Variants in CACNA2D1 observed in about 807,000 individuals in gnomAD.
The protein encoded by CACNA2D1 is voltage-dependent calcium channel subunit alpha-2/delta-1.
Under a neutral mutation model 171.5 loss-of-function variants are expected in CACNA2D1, and 53 were observed. The observed-to-expected ratio is 0.31, with a 90% CI of 0.25 to 0.39. The LOEUF (loss-of-function observed/expected upper bound fraction) is 0.39. Among genes scored for constraint, CACNA2D1 ranks in the 10% least tolerant of loss-of-function variants. CACNA2D1 has a pLI of 1.00. For missense variants in CACNA2D1, 903 were observed against 1,299.8 expected (o/e 0.69, Z 4.69); for synonymous variants, 442 against 443.1 (o/e 1.00, Z 0.03).
At chr7:82,014,292 T>C (rs1367689088) in intron 13 of CACNA2D1, 109 bp downstream of exon 13, 6 of 691,096 alleles carry the variant, frequency 8.7e-6, no homozygotes, top group Non-Finnish European at 1.6e-5. Flanking sequence ...TCTTGTCTGA[T>C]TCCTATAAAA....
At position 82,066,519 on chromosome 7, in the gene CACNA2D1, G is replaced by C. The variant is rs1807633051; in HGVS notation, c.664C>G (p.Pro222Ala). Reference protein sequence around the residue: ...TGLARYYPASPWVDNSRTPNK... With the variant: ...TGLARYYPASAWVDNSRTPNK... ...GGAGTTCTACTATTATCAACCCATG[G>C]TGAAGCTAAAAAAAAAAAAAAAAGA... The change falls in exon 8 of 39, where the codon CCA (proline) becomes GCA (alanine). Residue 222 changes from proline (P) to alanine (A), a missense_variant. This residue lies in a region of CACNA2D1 where 189 missense variants were observed against 266.8 expected (regional missense o/e 0.71). Transcript: ENST00000356860. 3 of 1,573,462 alleles carry C rather than the reference G, an allele frequency of 1.9e-6. No individual in the cohort carries two copies. The highest frequency in any genetic ancestry group is 4.6e-5 in the East Asian group (2 of 43,920).
chr7:82,082,418 GGTT>G (rs988262994), intron 7 of CACNA2D1, among the ~76,000 whole-genome samples: 2 of 152,078 alleles, frequency 1.3e-5, no homozygotes, highest in African/African-American at 2.4e-5. Context: ...TACTCAGTGT[GGTT>G]GAGTCTGGGG....
intron 6 of CACNA2D1, among the ~76,000 whole-genome samples, chr7:82,086,359 A>C (rs1810485355): frequency 6.6e-6 from 1 of 152,220 alleles, no homozygotes; most frequent in Admixed American, 6.5e-5. Context: ...AGTCCTCATT[A>C]TTGAAAACTA....
intron 1 of CACNA2D1, among the ~76,000 whole-genome samples, chr7:82,377,059 G>C (rs1563454517): frequency 6.6e-6 from 1 of 152,048 alleles, no homozygotes; most frequent in African/African-American, 2.4e-5. Flanking sequence ...CATGTTAAAG[G>C]CACAAAAAAT....
intron 3 of CACNA2D1, among the ~76,000 whole-genome samples, chr7:82,230,894 A>C (rs778621411): frequency 4.6e-5 from 7 of 152,196 alleles, no homozygotes; most frequent in Admixed American, 1.3e-4. Flanking sequence ...TAAGCATGAC[A>C]AACTTCTCCC....
intron 6 of CACNA2D1, among the ~76,000 whole-genome samples, chr7:82,111,392 A>ATGTG (rs1356772411): frequency 3.9e-5 from 5 of 129,052 alleles, no homozygotes; most frequent in African/African-American, 1.4e-4. Context: ...ATGTGTATAT[A>ATGTG]TGTATATATA....
Position 82,032,884 on chromosome 7 carries a change from T to C in CACNA2D1, c.1056A>G (p.Ala352=). Residue 352 remains alanine (A), a synonymous_variant, in exon 12 of 39, where the codon GCA becomes GCG. Coordinates refer to ENST00000356860, the MANE Select transcript of CACNA2D1 (RefSeq NM_000722.4). ...ATAGCATAATAATCTTATTGCAGTT[T>C]GCTCTGGAAACATTATACTGTTAAA... ...EQLLNYNVSR[A]NCNKIIMLFT... 1 of 1,592,630 alleles carries C rather than the reference T, an allele frequency of 6.3e-7. No individual in the cohort carries two copies. Among genetic ancestry groups the C allele is most frequent in the Non-Finnish European group, 8.6e-7 (1 of 1,161,598 alleles).
intron 6 of CACNA2D1, among the ~76,000 whole-genome samples, chr7:82,109,362 T>C (rs1276288454): frequency 6.6e-6 from 1 of 152,096 alleles, no homozygotes; most frequent in African/African-American, 2.4e-5. Flanking sequence ...TAGAAAACAA[T>C]TACCCTGAAA....
At chr7:82,113,183 T>G (rs1788652413) in intron 6 of CACNA2D1, among the ~76,000 whole-genome samples, 1 of 152,160 alleles carries the variant, frequency 6.6e-6, no homozygotes, top group East Asian at 1.9e-4. Flanking sequence ...ATTAATGTTA[T>G]TCTTATAGAA....
chr7:82,103,593 A>T (rs1221550417), intron 6 of CACNA2D1, among the ~76,000 whole-genome samples: 1 of 152,096 alleles, frequency 6.6e-6, no homozygotes, highest in Non-Finnish European at 1.5e-5. Context: ...TTTTATGTTA[A>T]TTTTTTATTA....
At chr7:82,039,565 G>A (rs990873648) in intron 10 of CACNA2D1, among the ~76,000 whole-genome samples, 1 of 152,016 alleles carries the variant, frequency 6.6e-6, no homozygotes, top group Admixed American at 6.6e-5. Flanking sequence ...AACTCATCCT[G>A]CATTGCCTCT....
chr7:82,215,880 G>A (rs1801045128), intron 3 of CACNA2D1, among the ~76,000 whole-genome samples: 1 of 151,966 alleles, frequency 6.6e-6, no homozygotes, highest in East Asian at 1.9e-4. Flanking sequence ...TTTTTATACT[G>A]AGATGCATTT....
intron 1 of CACNA2D1, among the ~76,000 whole-genome samples, chr7:82,428,185 T>A (rs534315882): frequency 6.6e-6 from 1 of 152,116 alleles, no homozygotes; most frequent in Non-Finnish European, 1.5e-5. Flanking sequence ...AATTACTTGA[T>A]AGTCACATAC....
chr7:82,028,686 T>C (rs1802266716), intron 12 of CACNA2D1: 2 of 151,808 alleles, frequency 1.3e-5, no homozygotes, highest in Non-Finnish European at 2.9e-5. Flanking sequence ...TCAACCCTTG[T>C]GGATGGCTTT....
chr7:82,150,853 G>T (rs1037775812), intron 4 of CACNA2D1, among the ~76,000 whole-genome samples: 2 of 151,820 alleles, frequency 1.3e-5, no homozygotes, highest in African/African-American at 4.8e-5. Flanking sequence ...GGCTGTTGCA[G>T]AAGGAAAAAA....
intron 3 of CACNA2D1, among the ~76,000 whole-genome samples, chr7:82,262,070 G>A (rs1807178696): frequency 6.6e-6 from 1 of 152,172 alleles, no homozygotes; most frequent in Non-Finnish European, 1.5e-5. Flanking sequence ...GGTGGCTCAC[G>A]CCTGTAATCC....
intron 15 of CACNA2D1, among the ~76,000 whole-genome samples, chr7:82,008,804 G>A (rs966802415): frequency 1.3e-5 from 2 of 152,066 alleles, no homozygotes; most frequent in Non-Finnish European, 2.9e-5. Context: ...ATATCAGGGA[G>A]CAAATGTTGT....
intron 1 of CACNA2D1, among the ~76,000 whole-genome samples, chr7:82,365,571 G>A (rs1395564942): frequency 6.6e-6 from 1 of 152,162 alleles, no homozygotes; most frequent in African/African-American, 2.4e-5. Flanking sequence ...TTGTGGTGTA[G>A]ACCAATGACA....
intron 3 of CACNA2D1, among the ~76,000 whole-genome samples, chr7:82,268,439 A>G (rs1239277205): frequency 6.6e-6 from 1 of 152,218 alleles, no homozygotes; most frequent in African/African-American, 2.4e-5. Context: ...CCTGAAACAT[A>G]CTGTTTAACG....
Sources: gnomAD v4.1 joint callset for allele counts (sites outside exome capture counted in the v4.1 genomes callset) on GRCh38, gnomAD v4.1.1 for gene constraint, gnomAD v4.1.1 regional missense constraint, MANE v1.5 for transcripts, NCBI Gene and HGNC (gene_info 2026-07-23, HGNC 2026-07-21) for gene names.